MRGPRE: variants seen among roughly 807,000 people sequenced by gnomAD.
MRGPRE encodes MAS related GPR family member E, also known as mas-related G protein-coupled receptor member E.
For synonymous variants in MRGPRE, 229 were observed against 206.7 expected (o/e 1.11, Z -0.92); for missense variants, 466 against 433.4 (o/e 1.08, Z -0.67).
rs1639272004 is a variant in MRGPRE at position 3,230,333 on chromosome 11, G to C, written c.-61-1473C>G. Among the ~76,000 whole-genome samples, 2 of 151,918 alleles carry C rather than the reference G, an allele frequency of 1.3e-5. No individual in the cohort carries two copies. Among genetic ancestry groups the C allele is most frequent in the South Asian group, 4.1e-4 (2 of 4,826 alleles). Reference sequence around the variant, plus strand: ...AGGGCTGGGGTTTGGGGTGAGGAGGGTGGGGGTACAAGCAGAAACCCCCAT... The same window carrying C: ...AGGGCTGGGGTTTGGGGTGAGGAGGCTGGGGGTACAAGCAGAAACCCCCAT... On this transcript the variant is annotated intron_variant, in intron 1 of 1. Transcript: ENST00000389832. This position sits in a 1 kb window ranked among gnomAD's most constrained non-coding sequence, Gnocchi z 5.5.
rs766159353 is a variant in MRGPRE at position 3,228,608 on chromosome 11, G to A, written c.192C>T (p.Asp64=). ...YRNPFAIYLL[D]VACADLIFLG... ...GGAAGATGAGATCCGCGCAGGCCAC[G>A]TCCAGGAGGTAGATGGCGAAGGGGT... The change falls in exon 2 of 2, where the codon GAC becomes GAT. Residue 64 remains aspartate (D), a synonymous_variant. Coordinates refer to ENST00000389832, the MANE Select transcript of MRGPRE (RefSeq NM_001039165.4). The A allele has an allele frequency of 2.9e-5, 47 of 1,613,924 alleles. No individual in the cohort carries two copies. The highest frequency in any genetic ancestry group is 1.8e-4 in the South Asian group (16 of 91,090).
At position 3,228,528 on chromosome 11, in the gene MRGPRE, A is replaced by C. The variant is rs1257804372; in HGVS notation, c.272T>G (p.Phe91Cys). 1 of 1,613,890 alleles carries C rather than the reference A, an allele frequency of 6.2e-7. No individual in the cohort carries two copies. Among genetic ancestry groups the C allele is most frequent in the Non-Finnish European group, 8.5e-7 (1 of 1,179,964 alleles). The change falls in exon 2 of 2, where the codon TTC (phenylalanine) becomes TGC (cysteine). Residue 91 changes from phenylalanine to cysteine, a missense_variant. Physicochemically the swap from Phe to Cys is radical, Grantham distance 205 (BLOSUM62 -2). Coordinates refer to ENST00000389832, the MANE Select transcript of MRGPRE (RefSeq NM_001039165.4). ...CAGGCTGGTCTGCACGAAGCCCGGG[A>C]AGTCCAGCCGGCCTTGCAGCAAGTC... is the stretch of plus-strand genomic sequence containing the variant. ...VPDLLQGRLD[F>C]PGFVQTSLAT... is the part of the protein sequence containing the mutation.
In MRGPRE at chr11:3,229,761, T is replaced by C. The variant is rs1847809579; in HGVS notation, c.-61-901A>G. Among the ~76,000 whole-genome samples the C allele has an allele frequency of 6.6e-6, 1 of 152,226 alleles. No homozygotes were observed. The highest frequency in any genetic ancestry group is 1.5e-5 in the Non-Finnish European group (1 of 68,042). On this transcript the variant is annotated intron_variant, in intron 1 of 1. Transcript: ENST00000389832. This position sits in a 1 kb window ranked among gnomAD's most constrained non-coding sequence, Gnocchi z 4.4. Reference sequence around the variant, plus strand: ...CCCTTTCCCCTGGCCATGTCCCTGCTGTCCTACAGCAGGACTCCAGCCCTC... The same window carrying C: ...CCCTTTCCCCTGGCCATGTCCCTGCCGTCCTACAGCAGGACTCCAGCCCTC...
At position 3,229,528 on chromosome 11, in the gene MRGPRE, G is replaced by A. The variant is rs1369032902; in HGVS notation, c.-61-668C>T. ...TATTTTAAAGTCATAGGCAGAGCAG[G>A]AGGCACCGCCCATGTCTAATGAGTG... is the stretch of plus-strand genomic sequence containing the variant. On this transcript the variant is annotated intron_variant, in intron 1 of 1. Transcript: ENST00000389832. The surrounding 1 kb of genome is among the most constrained non-coding windows in gnomAD (Gnocchi z 4.4). 6.6e-6 allele frequency among the ~76,000 whole-genome samples: 1 copy of A among 152,196 alleles called. No individual in the cohort carries two copies. The highest frequency in any genetic ancestry group is 1.5e-5 in the Non-Finnish European group (1 of 68,034).
chr11:3,226,140 C>T lies in MRGPRE; in HGVS notation c.*1721G>A, dbSNP rs1378260467. ...GTGGCTCATCTGCAGAGTGGGAGCA[C>T]CTTCCTACATTATTACGAGGATTCC... On this transcript the variant is annotated 3_prime_UTR_variant, in exon 2 of 2. Transcript: ENST00000389832. The T allele has an allele frequency of 6.6e-6, 1 of 152,230 alleles. No homozygotes were observed. Among genetic ancestry groups the T allele is most frequent in the East Asian group, 1.9e-4 (1 of 5,182 alleles). The allele number at this position is 152,230 out of a possible 1,614,324, so 9.4% of individuals were successfully genotyped here.
rs573624507 is a variant in MRGPRE, at chr11:3,230,965, T to TG, written c.-62+1175dup. Among the ~76,000 whole-genome samples, 58 of 151,038 alleles carry TG rather than the reference T, an allele frequency of 3.8e-4. No individual in the cohort carries two copies. Among genetic ancestry groups the TG allele is most frequent in the South Asian group, 1.1e-3 (5 of 4,734 alleles). ...AGATGCTCTCCTACTCAGGATAGCT[T>TG]GGGGGGGTCACCAACCCTCAGGCCC... On this transcript the variant is annotated intron_variant, in intron 1 of 1. Coordinates refer to ENST00000389832, the MANE Select transcript of MRGPRE (RefSeq NM_001039165.4). The surrounding 1 kb of genome is among the most constrained non-coding windows in gnomAD (Gnocchi z 5.5).
chr11:3,231,780 G>A lies in MRGPRE; in HGVS notation c.-62+361C>T, dbSNP rs189653895. Among the ~76,000 whole-genome samples the A allele has an allele frequency of 7.7e-3, 1,176 of 151,950 alleles. 8 individuals are homozygous for A. The highest frequency in any genetic ancestry group is 0.02 in the Middle Eastern group (6 of 294). On this transcript the variant is annotated intron_variant, in intron 1 of 1. Transcript: ENST00000389832. The surrounding 1 kb of genome is among the most constrained non-coding windows in gnomAD (Gnocchi z 4.7). Reference sequence around the variant, plus strand: ...CTGAGCACCCAGGTGTGGCAGGGAGGAGAGGGCCTATCCCCGGCTGCCCCC... The same window carrying A: ...CTGAGCACCCAGGTGTGGCAGGGAGAAGAGGGCCTATCCCCGGCTGCCCCC...
Position 3,230,214 on chromosome 11 carries a change from G to A in MRGPRE, c.-61-1354C>T, listed in dbSNP as rs1311172717. Among the ~76,000 whole-genome samples, 1 of 152,014 alleles carries A rather than the reference G, an allele frequency of 6.6e-6. No individual in the cohort carries two copies. Among genetic ancestry groups the A allele is most frequent in the Non-Finnish European group, 1.5e-5 (1 of 67,982 alleles). On this transcript the variant is annotated intron_variant, in intron 1 of 1. Coordinates refer to ENST00000389832, the MANE Select transcript of MRGPRE (RefSeq NM_001039165.4). This position sits in a 1 kb window ranked among gnomAD's most constrained non-coding sequence, Gnocchi z 5.5. ...TCTTGGGGTTGGGGGAGAGGGGATG[G>A]GGCCTTGCCTCTCCCCAGAGACTGG...
Position 3,231,469 on chromosome 11 carries a change from A to G in MRGPRE, c.-62+672T>C, listed in dbSNP as rs113263448. On this transcript the variant is annotated intron_variant, in intron 1 of 1. Transcript: ENST00000389832. This position sits in a 1 kb window ranked among gnomAD's most constrained non-coding sequence, Gnocchi z 4.7. ...GCTCGGGAGGGAGGCAGAGCTCTGT[A>G]GGAAGGGTCGCCACAGTTGGGTTAC... 4.6e-5 allele frequency among the ~76,000 whole-genome samples: 7 copies of G among 151,592 alleles called. No homozygotes were observed. Among genetic ancestry groups the G allele is most frequent in the Non-Finnish European group, 1.0e-4 (7 of 67,862 alleles).
Position 3,228,450 on chromosome 11 carries a change from A to G in MRGPRE, c.350T>C (p.Val117Ala), listed in dbSNP as rs776871095. 1 of 1,612,000 alleles carries G rather than the reference A, an allele frequency of 6.2e-7. No homozygotes were observed. The highest frequency in any genetic ancestry group is 1.1e-5 in the South Asian group (1 of 91,072). ...GGCGGCCAGGCACTGCTCCACGCTGACGGCCGCCAGGAGACTCAGGCCCAC... is the reference window on the plus strand; with the variant it reads ...GGCGGCCAGGCACTGCTCCACGCTGGCGGCCGCCAGGAGACTCAGGCCCAC... ...YIVGLSLLAA[V>A]SVEQCLAALF... The change falls in exon 2 of 2, where the codon GTC becomes GCC. Residue 117 changes from valine (V) to alanine (A), a missense_variant. Transcript: ENST00000389832.
chr11:3,228,992 A>C, intron 1 of MRGPRE, 132 bp from the exon 2 acceptor site: 1 of 554,362 alleles, frequency 1.8e-6, no homozygotes. Context: ...CCCCTCTCTC[A>C]TTTCCACCCT....
rs1015920132 is a variant in MRGPRE at position 3,231,588 on chromosome 11, A to G, written c.-62+553T>C. Among the ~76,000 whole-genome samples, 1 of 125,268 alleles carries G rather than the reference A, an allele frequency of 8.0e-6. No homozygotes were observed. The highest frequency in any genetic ancestry group is 3.0e-5 in the African/African-American group (1 of 33,230). The allele number at this position is 125,268 out of a possible 152,430, so 82.2% of individuals were successfully genotyped here. A position where few individuals can be genotyped will look rare whatever the true frequency, so the allele number is the denominator to read the frequency against. On this transcript the variant is annotated intron_variant, in intron 1 of 1. Transcript: ENST00000389832. This position sits in a 1 kb window ranked among gnomAD's most constrained non-coding sequence, Gnocchi z 4.7. ...GGAGGGGAGGAGGCGGGGGAGGACG[A>G]TGGAAGAGAACAGGAGGGAGGAGGA...
In MRGPRE at chr11:3,228,135, G is replaced by A. The variant is rs199635481; in HGVS notation, c.665C>T (p.Thr222Ile). 3 of 1,585,638 alleles carry A rather than the reference G, an allele frequency of 1.9e-6. No individual in the cohort carries two copies. Among genetic ancestry groups the A allele is most frequent in the Admixed American group, 1.8e-5 (1 of 54,066 alleles). The change falls in exon 2 of 2, where the codon ACC (threonine) becomes ATC (isoleucine). Residue 222 changes from threonine to isoleucine, a missense_variant. Physicochemically the swap from Thr to Ile is moderately conservative, Grantham distance 89. Coordinates refer to ENST00000389832, the MANE Select transcript of MRGPRE (RefSeq NM_001039165.4). ...GCCGCAGAAGAGGAAGAGGAGGACG[G>A]TGAGGAGGATGAGCCCAGGGAAGCC... ...PRGFPGLILL[T>I]VLLFLFCGLP...
rs772764506 is a variant in MRGPRE at position 3,228,222 on chromosome 11, C to A, written c.578G>T (p.Cys193Phe). ...VLLALLCCTM[C>F]GASLMLLLRV... ...CAGCAGCAGCATAAGGCTGGCCCCA[C>A]ACATGGTGCAACACAGCAGAGCCAG... Residue 193 changes from cysteine to phenylalanine, a missense_variant, in exon 2 of 2, where the codon TGT becomes TTT. Physicochemically the swap from Cys to Phe is radical, Grantham distance 205. Transcript: ENST00000389832. The A allele has an allele frequency of 6.4e-7, 1 of 1,555,510 alleles. No individual in the cohort carries two copies. Among genetic ancestry groups the A allele is most frequent in the South Asian group, 1.2e-5 (1 of 84,494 alleles).
In MRGPRE at chr11:3,228,343, G is replaced by T; in HGVS notation, c.457C>A (p.Leu153Met). ...GCGCCGCTGAGCAGCAGGTGCAGCA[G>T]CAGGCAGAGGGCCCAGGTGAGGGCG... is the stretch of plus-strand genomic sequence containing the variant. ...VCALTWALCL[L>M]LHLLLSGACT... Residue 153 changes from leucine to methionine, a missense_variant, in exon 2 of 2, where the codon CTG becomes ATG. Transcript: ENST00000389832. 1 of 1,569,360 alleles carries T rather than the reference G, an allele frequency of 6.4e-7. No individual in the cohort carries two copies.
rs541067240 is a variant in MRGPRE at position 3,231,904 on chromosome 11, G to A, written c.-62+237C>T. 2.6e-5 allele frequency among the ~76,000 whole-genome samples: 4 copies of A among 152,120 alleles called. No homozygotes were observed. The highest frequency in any genetic ancestry group is 9.6e-5 in the African/African-American group (4 of 41,494). ...GAGCCACCGGGGGTGGGGGGTTGGG[G>A]AGCCATCACCCAAGCTATCGTCCTC... On this transcript the variant is annotated intron_variant, in intron 1 of 1. Coordinates refer to ENST00000389832, the MANE Select transcript of MRGPRE (RefSeq NM_001039165.4). The surrounding 1 kb of genome is among the most constrained non-coding windows in gnomAD (Gnocchi z 4.7).
rs1341844872 is a variant in MRGPRE at position 3,227,319 on chromosome 11, A to AG, written c.*541dup. ...AACTGGCTGATGATCAAGGACGGGG[A>AG]GGGGGTCAAGTTTTGGGCAGTCTTC... On this transcript the variant is annotated 3_prime_UTR_variant, in exon 2 of 2. Coordinates refer to ENST00000389832, the MANE Select transcript of MRGPRE (RefSeq NM_001039165.4). 3.9e-5 allele frequency among the ~76,000 whole-genome samples: 6 copies of AG among 151,962 alleles called. No individual in the cohort carries two copies. The highest frequency in any genetic ancestry group is 7.4e-5 in the Non-Finnish European group (5 of 67,978).
In MRGPRE at chr11:3,229,072, C is replaced by T. The variant is rs1429877534; in HGVS notation, c.-61-212G>A. Among the ~76,000 whole-genome samples the T allele has an allele frequency of 6.6e-6, 1 of 152,154 alleles. No homozygotes were observed. The highest frequency in any genetic ancestry group is 1.5e-5 in the Non-Finnish European group (1 of 68,032). On this transcript the variant is annotated intron_variant, in intron 1 of 1. Coordinates refer to ENST00000389832, the MANE Select transcript of MRGPRE (RefSeq NM_001039165.4). The surrounding 1 kb of genome is among the most constrained non-coding windows in gnomAD (Gnocchi z 4.4). Reference sequence around the variant, plus strand: ...AAGGTGTCCCCATTCCTCCCCTCCCCATGGTTACCTGGCCTCAAGAGCCTT... The same window carrying T: ...AAGGTGTCCCCATTCCTCCCCTCCCTATGGTTACCTGGCCTCAAGAGCCTT...
chr11:3,227,957 G>C lies in MRGPRE; in HGVS notation c.843C>G (p.Pro281=). The C allele has an allele frequency of 1.3e-6, 2 of 1,569,414 alleles. No homozygotes were observed. Among genetic ancestry groups the C allele is most frequent in the Non-Finnish European group, 1.7e-6 (2 of 1,155,214 alleles). ...CLGSAQGRRL[P]LRLVLQRALG... ...GCGCTCGCTGGAGGACCAGCCGGAGGGGCAGCCTGCGGCCCTGGGCACTGC... is the reference window on the plus strand; with the variant it reads ...GCGCTCGCTGGAGGACCAGCCGGAGCGGCAGCCTGCGGCCCTGGGCACTGC... The change falls in exon 2 of 2, where the codon CCC becomes CCG. Residue 281 remains proline, a synonymous_variant. Transcript: ENST00000389832.
Sources: allele counts gnomAD v4.1 joint callset (sites outside exome capture counted in the v4.1 genomes callset), GRCh38; gene constraint gnomAD v4.1.1; non-coding constraint Gnocchi (gnomAD v3.1); transcripts MANE v1.5; gene names NCBI Gene and HGNC (gene_info 2026-07-23, HGNC 2026-07-21).